The following CLUL1 variants were observed in gnomAD, a reference collection of about 807,000 sequenced individuals.
The protein encoded by CLUL1 is clusterin-like protein 1.
CLUL1 carries 43 observed loss-of-function variants against 49.4 expected under a neutral mutation model. That is an observed-to-expected ratio of 0.87 (90% CI 0.68 to 1.12). The LOEUF is 1.12. Ranked by LOEUF, CLUL1 falls within the 50% of genes most tolerant of loss-of-function variation. CLUL1 has a pLI of 0.00. For synonymous variants in CLUL1, 192 were observed against 184.9 expected (o/e 1.04, Z -0.31); for missense variants, 486 against 544.4 (o/e 0.89, Z 1.07).
intron 7 of CLUL1, among the ~76,000 whole-genome samples, chr18:634,902 T>G (rs570913805): frequency 6.6e-6 from 1 of 152,286 alleles, no homozygotes; most frequent in East Asian, 1.9e-4. Context: ...ACAACTTTTC[T>G]TACATAAAAC....
intron 6 of CLUL1, among the ~76,000 whole-genome samples, chr18:629,060 A>G (rs1038921556): frequency 6.6e-6 from 1 of 152,320 alleles, no homozygotes; most frequent in East Asian, 1.9e-4. Context: ...TGGCCTCTAC[A>G]TAGGAGAGGT....
chr18:623,258 C>G (rs1035999694), intron 4 of CLUL1, among the ~76,000 whole-genome samples: 1 of 152,142 alleles, frequency 6.6e-6, no homozygotes, highest in Admixed American at 6.6e-5. Flanking sequence ...TTCTCAAACT[C>G]CTGACATCAG....
intron 2 of CLUL1, among the ~76,000 whole-genome samples, chr18:609,941 A>G (rs574556553): frequency 2.0e-5 from 3 of 152,286 alleles, no homozygotes; most frequent in Admixed American, 6.5e-5. Flanking sequence ...TAACAAAACA[A>G]GTGAGATATT....
At chr18:628,719 C>T (rs1220261492) in intron 6 of CLUL1, among the ~76,000 whole-genome samples, 2 of 145,230 alleles carry the variant, frequency 1.4e-5, no homozygotes, top group South Asian at 2.2e-4. Context: ...GCAACCTCTG[C>T]CTCCTGGGTT....
rs753746409 is a variant in CLUL1, at chr18:633,368, C to G, written c.927C>G (p.Asp309Glu). ...ACAGAGGACTGTGTGGGGAACTTGA[C>G]CAGAATTTGTCAAGATGTTTCAAAT... ...GQDRGLCGEL[D>E]QNLSRCFKFH... Residue 309 changes from aspartate (D) to glutamate (E), a missense_variant, in exon 7 of 10, where the codon GAC (aspartate) becomes GAG (glutamate). Asp to Glu is a conservative substitution (Grantham distance 45). Coordinates refer to ENST00000692774, the MANE Select transcript of CLUL1 (RefSeq NM_001393344.1). 6.2e-7 allele frequency: 1 copy of G among 1,613,516 alleles called. No homozygotes were observed. Among genetic ancestry groups the G allele is most frequent in the South Asian group, 1.1e-5 (1 of 91,048 alleles).
rs2074133808 is a variant in CLUL1, at chr18:636,299, T to G, written c.994+2864T>G. Among the ~76,000 whole-genome samples the G allele has an allele frequency of 2.0e-5, 3 of 152,312 alleles. No homozygotes were observed. The South Asian group carries it at 6.2e-4, about 32-fold the overall frequency. Reference sequence around the variant, plus strand: ...TTGTAAATTGGGGACCATATGTACATGTATGCATATATGATATTAAAAATT... The same window carrying G: ...TTGTAAATTGGGGACCATATGTACAGGTATGCATATATGATATTAAAAATT... On this transcript the variant is annotated intron_variant, in intron 7 of 9. Transcript: ENST00000692774.
chr18:628,239 C>T (rs920638135), intron 6 of CLUL1, among the ~76,000 whole-genome samples: 2 of 152,360 alleles, frequency 1.3e-5, no homozygotes, highest in African/African-American at 4.8e-5. Context: ...GAGAAGCCCA[C>T]TCTCACATAT....
At chr18:599,489 T>G (rs1487436972) in intron 1 of CLUL1, among the ~76,000 whole-genome samples, 2 of 152,192 alleles carry the variant, frequency 1.3e-5, no homozygotes, top group Non-Finnish European at 2.9e-5. Flanking sequence ...CTTTTTCAGG[T>G]GATGGTGATT....
At chr18:598,486 C>G (rs1470032737) in intron 1 of CLUL1, 2 of 398,518 alleles carry the variant, frequency 5.0e-6, no homozygotes, top group Non-Finnish European at 8.8e-6. Context: ...GAGTTCCTCT[C>G]TAACATCCTC....
At chr18:638,725 G>A (rs1240554658) in intron 7 of CLUL1, among the ~76,000 whole-genome samples, 1 of 151,862 alleles carries the variant, frequency 6.6e-6, no homozygotes, top group Non-Finnish European at 1.5e-5. Flanking sequence ...AGGTGTGGTG[G>A]TACGCACCTG....
chr18:633,265 G>A, intron 6 of CLUL1, 33 bp from the exon 7 acceptor site: 1 of 1,564,580 alleles, frequency 6.4e-7, no homozygotes, highest in Non-Finnish European at 8.7e-7. Flanking sequence ...AAACTCTTAT[G>A]ACACTAACGT....
chr18:648,581 G>GAT (rs147379880), intron 9 of CLUL1, among the ~76,000 whole-genome samples: 1,878 of 148,220 alleles, frequency 0.013, 36 homozygotes, highest in South Asian at 0.06. Flanking sequence ...TATTGTTCTG[G>GAT]ATATATATAT....
At chr18:623,377 G>C (rs1007049713) in intron 4 of CLUL1, among the ~76,000 whole-genome samples, 2 of 152,086 alleles carry the variant, frequency 1.3e-5, no homozygotes, top group Non-Finnish European at 2.9e-5. Flanking sequence ...AGGTGAGGTG[G>C]CTCATGCCTG....
Position 645,810 on chromosome 18 carries a change from AATATATATATATAT to A in CLUL1, c.1397+742_1397+755del, listed in dbSNP as rs35329822. On this transcript the variant is annotated intron_variant, in intron 9 of 9. Coordinates refer to ENST00000692774, the MANE Select transcript of CLUL1 (RefSeq NM_001393344.1). ...CTCTGTTTAAAAAAAAAAAAAAAAA[AATATATATATATAT>A]ATATATATATATATATATATATATA... Among the ~76,000 whole-genome samples, 51 of 29,862 alleles carry A rather than the reference AATATATATATATAT, an allele frequency of 1.7e-3. 2 individuals are homozygous for A. The highest frequency in any genetic ancestry group is 0.023 in the Middle Eastern group (1 of 44). The allele number at this position is 29,862 out of a possible 152,430, so 19.6% of individuals were successfully genotyped here. A position where few individuals can be genotyped will look rare whatever the true frequency, so the allele number is the denominator to read the frequency against.
At chr18:644,588 G>A (rs2074421431) in intron 8 of CLUL1, among the ~76,000 whole-genome samples, 1 of 152,218 alleles carries the variant, frequency 6.6e-6, no homozygotes, top group Non-Finnish European at 1.5e-5. Context: ...TTTGTAGATT[G>A]AGACAGTGAA....
At chr18:612,423 G>A (rs1187974787) in intron 2 of CLUL1, among the ~76,000 whole-genome samples, 1 of 152,188 alleles carries the variant, frequency 6.6e-6, no homozygotes, top group Non-Finnish European at 1.5e-5. Context: ...TTGTCTTTCA[G>A]GCCAGCCGGC....
chr18:613,674 C>T (rs1342842510), intron 2 of CLUL1, among the ~76,000 whole-genome samples: 8 of 146,116 alleles, frequency 5.5e-5, no homozygotes, highest in East Asian at 4.2e-4. Context: ...AGGCTGGTCT[C>T]AAACTCCTGA....
intron 5 of CLUL1, among the ~76,000 whole-genome samples, chr18:625,518 A>AACACAC (rs3221054): frequency 0.087 from 12,550 of 144,526 alleles, 490 homozygotes; most frequent in Non-Finnish European, 0.092. Flanking sequence ...CCTTATGCAT[A>AACACAC]ACACACACAC....
At chr18:610,196 G>A (rs1413188946) in intron 2 of CLUL1, among the ~76,000 whole-genome samples, 16 of 152,130 alleles carry the variant, frequency 1.1e-4, no homozygotes, top group Admixed American at 1.0e-3. Flanking sequence ...AGAAAAACTT[G>A]ATATTTAATT....
Sources: allele counts gnomAD v4.1 joint callset (sites outside exome capture counted in the v4.1 genomes callset), GRCh38; gene constraint gnomAD v4.1.1; transcripts MANE v1.5; gene names NCBI Gene and HGNC (gene_info 2026-07-23, HGNC 2026-07-21).